RSU1: variants seen among roughly 807,000 people sequenced by gnomAD.
RSU1 encodes the protein rsu-1.
RSU1 carries 26 observed loss-of-function variants against 31.1 expected under a neutral mutation model. That is an observed-to-expected ratio of 0.84 (90% confidence interval 0.61 to 1.16). The LOEUF (loss-of-function observed/expected upper bound fraction) is 1.16. Ranked by LOEUF, RSU1 falls within the 50% of genes most tolerant of loss-of-function variation. The probability of loss-of-function intolerance (pLI) is 0.00; values close to 1 mark genes in which losing one functional copy is unlikely to be tolerated. For missense variants in RSU1, 320 were observed against 339.1 expected, an observed-to-expected ratio of 0.94 and a Z score of 0.44; for synonymous variants, 164 against 136.3, an observed-to-expected ratio of 1.20 and a Z score of -1.41.
At chr10:16,600,111 A>G (rs1833692602) in intron 8 of RSU1, among the ~76,000 whole-genome samples, 1 of 152,152 alleles carries the variant, frequency 6.6e-6, no homozygotes, top group Non-Finnish European at 1.5e-5. Context: ...GTTGCTCTTG[A>G]GAGTCTGATG....
At chr10:16,747,525 T>A (rs1836878864) in intron 7 of RSU1, among the ~76,000 whole-genome samples, 2 of 152,124 alleles carry the variant, frequency 1.3e-5, no homozygotes, top group Admixed American at 1.3e-4. Flanking sequence ...TCACCCCTCA[T>A]CTAAACTGTC....
chr10:16,618,198 C>G (rs1031091374), intron 8 of RSU1, among the ~76,000 whole-genome samples: 2 of 152,160 alleles, frequency 1.3e-5, no homozygotes, highest in Non-Finnish European at 2.9e-5. Context: ...CAAAAGAAGA[C>G]ATTTATGCAG....
At chr10:16,755,664 C>A (rs1193384288) in intron 4 of RSU1, among the ~76,000 whole-genome samples, 3 of 152,150 alleles carry the variant, frequency 2.0e-5, no homozygotes, top group Non-Finnish European at 4.4e-5. Context: ...TTGTTATTAA[C>A]TGCAGTCACC....
chr10:16,705,595 T>C (rs1482123793), intron 7 of RSU1, among the ~76,000 whole-genome samples: 1 of 152,100 alleles, frequency 6.6e-6, no homozygotes, highest in Non-Finnish European at 1.5e-5. Flanking sequence ...TTCAAACGAT[T>C]TTCCTGCCTC....
chr10:16,593,820 G>A (rs1272538822), intron 8 of RSU1, among the ~76,000 whole-genome samples: 3 of 152,204 alleles, frequency 2.0e-5, no homozygotes, highest in Non-Finnish European at 4.4e-5. Context: ...GATAAAAATG[G>A]GATTGAATGG....
chr10:16,635,155 T>G (rs1384577796), intron 8 of RSU1, among the ~76,000 whole-genome samples: 1 of 152,208 alleles, frequency 6.6e-6, no homozygotes, highest in Non-Finnish European at 1.5e-5. Flanking sequence ...AATACACAAA[T>G]TGTGGTATAC....
At chr10:16,720,154 C>T (rs905010474) in intron 7 of RSU1, among the ~76,000 whole-genome samples, 6 of 152,286 alleles carry the variant, frequency 3.9e-5, no homozygotes, top group Admixed American at 6.5e-5. Context: ...CCTTTTTCCC[C>T]GTCTCTTCCC....
At chr10:16,772,641 G>GAAAAAAAAAAAAAAAAAAAAAA (rs60460081) in intron 3 of RSU1, among the ~76,000 whole-genome samples, 20 of 64,762 alleles carry the variant, frequency 3.1e-4, no homozygotes, top group African/African-American at 7.7e-4. Flanking sequence ...AGTAGAATAT[G>GAAAAAAAAAAAAAAAAAAAAAA]AAAAAAAAAA....
chr10:16,679,614 A>C (rs1008891933), intron 8 of RSU1, among the ~76,000 whole-genome samples: 21 of 152,222 alleles, frequency 1.4e-4, no homozygotes, highest in Non-Finnish European at 3.1e-4. Context: ...AAGAAAGAGC[A>C]TTCCAGACAG....
intron 7 of RSU1, chr10:16,721,669 G>C (rs1401605167): frequency 6.6e-6 from 1 of 152,204 alleles, no homozygotes; most frequent in African/African-American, 2.4e-5. Flanking sequence ...CTCTTGCATT[G>C]CAATAGGCTT....
chr10:16,729,504 T>A (rs1370968639), intron 7 of RSU1, among the ~76,000 whole-genome samples: 1 of 151,826 alleles, frequency 6.6e-6, no homozygotes, highest in Non-Finnish European at 1.5e-5. Flanking sequence ...TCAAGGAAGG[T>A]TAACTGTATG....
intron 8 of RSU1, among the ~76,000 whole-genome samples, chr10:16,637,900 G>A (rs548592083): frequency 7.2e-5 from 11 of 151,792 alleles, no homozygotes; most frequent in South Asian, 6.3e-4. Context: ...AACAGTACCC[G>A]CATCCCTAGA....
At chr10:16,616,914 G>A (rs901229972) in intron 8 of RSU1, among the ~76,000 whole-genome samples, 4 of 151,602 alleles carry the variant, frequency 2.6e-5, no homozygotes, top group Non-Finnish European at 4.4e-5. Context: ...ATACTGAACG[G>A]GTATTCCCTT....
chr10:16,639,931 C>A (rs1834412488), intron 8 of RSU1, among the ~76,000 whole-genome samples: 1 of 152,156 alleles, frequency 6.6e-6, no homozygotes, highest in South Asian at 2.1e-4. Context: ...AAGTTGTATG[C>A]TTTTTAATAT....
At chr10:16,647,201 T>C (rs1834588283) in intron 8 of RSU1, among the ~76,000 whole-genome samples, 1 of 122,918 alleles carries the variant, frequency 8.1e-6, no homozygotes, top group Admixed American at 8.5e-5. Flanking sequence ...CTCAATCTCC[T>C]GACCTCGTGA....
At position 16,623,437 on chromosome 10, in the gene RSU1, G is replaced by A. The variant is rs557745314; in HGVS notation, c.732-29941C>T. 3.9e-5 allele frequency among the ~76,000 whole-genome samples: 6 copies of A among 152,246 alleles called. No homozygotes were observed. In the South Asian group the frequency reaches 1.2e-3, roughly 32 times the overall value. Reference sequence around the variant, plus strand: ...TCTTTTCATCAAATCCAGCACCGATGGGCACCCAGGTTGATTCCATGCCTT... The same window carrying A: ...TCTTTTCATCAAATCCAGCACCGATAGGCACCCAGGTTGATTCCATGCCTT... On this transcript the variant is annotated intron_variant, in intron 8 of 8. Transcript: ENST00000345264.
chr10:16,614,022 C>T (rs1260582395), intron 8 of RSU1, among the ~76,000 whole-genome samples: 3 of 151,958 alleles, frequency 2.0e-5, no homozygotes, highest in Admixed American at 1.3e-4. Flanking sequence ...ATAGCATTAA[C>T]GCCAGAAAAA....
At chr10:16,783,613 C>A (rs1383471443) in intron 2 of RSU1, among the ~76,000 whole-genome samples, 3 of 151,906 alleles carry the variant, frequency 2.0e-5, no homozygotes. Flanking sequence ...CTTGGCCTCC[C>A]AAAGTGCTAG....
At chr10:16,655,148 A>G (rs1266548326) in intron 8 of RSU1, among the ~76,000 whole-genome samples, 1 of 152,072 alleles carries the variant, frequency 6.6e-6, no homozygotes, top group Non-Finnish European at 1.5e-5. Flanking sequence ...ATAATTAGTC[A>G]ATAGATATTT....
Sources: allele counts gnomAD v4.1 joint callset (sites outside exome capture counted in the v4.1 genomes callset), GRCh38; gene constraint gnomAD v4.1.1; transcripts MANE v1.5; gene names NCBI Gene and HGNC (gene_info 2026-07-23, HGNC 2026-07-21).